The following METAP1 variants were observed in gnomAD, a reference collection of about 807,000 sequenced individuals.
METAP1 encodes the protein methionyl aminopeptidase 1.
METAP1 carries 28 observed loss-of-function variants against 53.8 expected under a neutral mutation model. That is an observed-to-expected ratio of 0.52 (90% CI 0.39 to 0.71). The LOEUF is 0.71. Ranked by LOEUF, METAP1 falls within the 30% of genes least tolerant of loss-of-function variation. The pLI is 0.00. For missense variants in METAP1, 389 were observed against 479.8 expected (o/e 0.81, Z 1.77); for synonymous variants, 181 against 165.7 (o/e 1.09, Z -0.71).
rs1432157712 is a variant in METAP1, at chr4:99,030,539, G to T, written c.166+1621G>T. On this transcript the variant is annotated intron_variant, in intron 2 of 10. Coordinates refer to ENST00000296411, the MANE Select transcript of METAP1 (RefSeq NM_015143.3). ...AGATCATCCTTAGGTGGCCAGCTCT[G>T]TATCTTTCATACCCTAGTAAGTTGA... Among the ~76,000 whole-genome samples the T allele has an allele frequency of 2.6e-5, 4 of 152,120 alleles. No individual in the cohort carries two copies. In the South Asian group the frequency reaches 6.2e-4, roughly 24 times the overall value.
At chr4:99,023,911 G>A (rs1724332520) in intron 1 of METAP1, 1 of 490,028 alleles carries the variant, frequency 2.0e-6, no homozygotes, top group Non-Finnish European at 2.7e-6. Context: ...TGTGGGAGAT[G>A]GGAGTTTTAT....
chr4:99,057,706 A>G (rs1727252782), intron 9 of METAP1, 47 bp from the exon 10 acceptor site: 2 of 1,378,928 alleles, frequency 1.5e-6, no homozygotes, highest in Admixed American at 2.0e-5. Flanking sequence ...GTTCAACAGT[A>G]CACTGTTGGT....
intron 1 of METAP1, among the ~76,000 whole-genome samples, chr4:99,007,281 T>A (rs1252530713): frequency 6.6e-6 from 1 of 152,140 alleles, no homozygotes; most frequent in African/African-American, 2.4e-5. Flanking sequence ...ACAAGACTCA[T>A]AGGTGATGTT....
chr4:99,031,855 C>T (rs1046631236), intron 2 of METAP1, among the ~76,000 whole-genome samples: 2 of 152,220 alleles, frequency 1.3e-5, no homozygotes, highest in African/African-American at 4.8e-5. Flanking sequence ...TTGCATGTAT[C>T]ACGTACTTAT....
chr4:99,017,326 G>C (rs1723823251), intron 1 of METAP1, among the ~76,000 whole-genome samples: 1 of 152,180 alleles, frequency 6.6e-6, no homozygotes, highest in African/African-American at 2.4e-5. Flanking sequence ...TCATTTTCTG[G>C]ATATTTAAGG....
intron 1 of METAP1, chr4:99,023,000 G>T: frequency 6.8e-7 from 1 of 1,465,816 alleles, no homozygotes; most frequent in Non-Finnish European, 9.2e-7. Flanking sequence ...ACAATACCTG[G>T]CACTACCCGC....
In METAP1 at chr4:99,035,465, G is replaced by A; in HGVS notation, c.340+5G>A. 6.5e-7 allele frequency: 1 copy of A among 1,538,642 alleles called. No individual in the cohort carries two copies. Among genetic ancestry groups the A allele is most frequent in the Non-Finnish European group, 8.8e-7 (1 of 1,135,498 alleles). On this transcript the variant is annotated splice_donor_5th_base_variant and intron_variant, in intron 4 of 10. Transcript: ENST00000296411. ...ATTATGCTGATCATCCCTTAGGTAA[G>A]CTCTGCTATGTTGATTCTTCATTTT...
chr4:99,038,334 T>C (rs1331492205), intron 4 of METAP1, among the ~76,000 whole-genome samples: 1 of 152,040 alleles, frequency 6.6e-6, no homozygotes, highest in Non-Finnish European at 1.5e-5. Flanking sequence ...ATAGTGCCGA[T>C]AGTGGGCATT....
At chr4:99,045,387 T>C in intron 8 of METAP1, 77 bp downstream of exon 8, 7 of 1,537,398 alleles carry the variant, frequency 4.6e-6, no homozygotes, top group Non-Finnish European at 6.2e-6. Context: ...TGCAGTTCTG[T>C]GCATTCCTTG....
chr4:99,046,192 T>C (rs1208088257), intron 8 of METAP1, among the ~76,000 whole-genome samples: 1 of 152,122 alleles, frequency 6.6e-6, no homozygotes, highest in African/African-American at 2.4e-5. Flanking sequence ...GGTTGGCAGA[T>C]CACTTGAGGT....
intron 1 of METAP1, among the ~76,000 whole-genome samples, chr4:99,005,034 C>T (rs1196215491): frequency 1.3e-5 from 2 of 151,960 alleles, no homozygotes; most frequent in East Asian, 1.9e-4. Context: ...TGGGTATACC[C>T]CTAAGGAGTA....
chr4:99,030,468 A>C (rs1262230797), intron 2 of METAP1, among the ~76,000 whole-genome samples: 4 of 152,110 alleles, frequency 2.6e-5, no homozygotes, highest in Admixed American at 2.6e-4. Flanking sequence ...AACTTTTTTC[A>C]GTGGATGAGC....
At chr4:99,049,945 AG>A (rs1405445037) in intron 9 of METAP1, among the ~76,000 whole-genome samples, 2 of 152,208 alleles carry the variant, frequency 1.3e-5, no homozygotes, top group Non-Finnish European at 2.9e-5. Context: ...ATTTTTTTAA[AG>A]CAACTCTGTG....
intron 1 of METAP1, chr4:99,026,752 T>C: frequency 1.0e-6 from 1 of 985,386 alleles, no homozygotes; most frequent in Non-Finnish European, 1.2e-6. Context: ...TATTTAGGCT[T>C]AGAGAGTTCT....
chr4:99,045,312 T>C lies in METAP1; in HGVS notation c.787+2T>C. 1 of 1,613,512 alleles carries C rather than the reference T, an allele frequency of 6.2e-7. No individual in the cohort carries two copies. The highest frequency in any genetic ancestry group is 8.5e-7 in the Non-Finnish European group (1 of 1,179,634). ...GCCTGATGCAAGCCATTGATGCAGG[T>C]CAGCCTCAGTGTTGAGCACCTATTG... On this transcript the variant is annotated splice_donor_variant, in intron 8 of 10. Coordinates refer to ENST00000296411, the MANE Select transcript of METAP1 (RefSeq NM_015143.3). LOFTEE classifies it high-confidence loss of function.
intron 1 of METAP1, chr4:99,023,691 A>G: frequency 2.0e-6 from 2 of 985,378 alleles, no homozygotes; most frequent in South Asian, 4.7e-5. Context: ...GAGGTTCAAG[A>G]TGGGGAGATA....
At chr4:99,022,021 C>T (rs895883466) in intron 1 of METAP1, among the ~76,000 whole-genome samples, 5 of 152,150 alleles carry the variant, frequency 3.3e-5, no homozygotes, top group Non-Finnish European at 7.4e-5. Context: ...TTCCTGGGGG[C>T]AGGAAGTGAG....
intron 6 of METAP1, among the ~76,000 whole-genome samples, chr4:99,042,949 C>T (rs1275433805): frequency 6.6e-6 from 1 of 152,010 alleles, no homozygotes; most frequent in African/African-American, 2.4e-5. Flanking sequence ...TGTCGGTGTT[C>T]AGAAAGTTTC....
intron 1 of METAP1, chr4:99,022,829 C>G: frequency 6.3e-7 from 1 of 1,579,908 alleles, no homozygotes; most frequent in Non-Finnish European, 8.6e-7. Context: ...GTAGTCCTTG[C>G]TGTGGTACTG....
Sources: gnomAD v4.1 joint callset for allele counts (sites outside exome capture counted in the v4.1 genomes callset) on GRCh38, gnomAD v4.1.1 for gene constraint, MANE v1.5 for transcripts, NCBI Gene and HGNC (gene_info 2026-07-23, HGNC 2026-07-21) for gene names.